The following CHD6 variants were observed in gnomAD, a reference collection of about 807,000 sequenced individuals.
CHD6 encodes ATP-dependent chromatin remodeler CHD6.
In CHD6, 50 loss-of-function variants were observed where a neutral mutation model predicts 276.9. That is an observed-to-expected ratio of 0.18 (90% CI 0.14 to 0.23). The LOEUF is 0.23. Ranked by LOEUF, CHD6 falls within the 10% of genes least tolerant of loss-of-function variation. The probability of loss-of-function intolerance (pLI) is 1.00; values close to 1 mark genes in which losing one functional copy is unlikely to be tolerated. For synonymous variants in CHD6, 1,173 were observed against 1,229.3 expected (o/e 0.95, Z 0.96); for missense variants, 2,564 against 3,365.8 (o/e 0.76, Z 5.89).
chr20:41,591,483 G>A lies in CHD6; in HGVS notation c.-24+26857C>T, dbSNP rs183396448. ...AGGTGGGCAGATCACTTGAGGTCGA[G>A]AGTTCAAGACCAGCCTGGCCAACAT... On this transcript the variant is annotated intron_variant, in intron 1 of 36. Coordinates refer to ENST00000373233, the MANE Select transcript of CHD6 (RefSeq NM_032221.5). Among the ~76,000 whole-genome samples, 729 of 151,880 alleles carry A rather than the reference G, an allele frequency of 4.8e-3. 3 individuals carry two copies. Among genetic ancestry groups the A allele is most frequent in the Non-Finnish European group, 7.1e-3 (482 of 67,942 alleles).
chr20:41,445,395 T>C (rs1020427493), intron 25 of CHD6, among the ~76,000 whole-genome samples: 10 of 152,200 alleles, frequency 6.6e-5, no homozygotes, highest in African/African-American at 2.4e-4. Flanking sequence ...TCCGACAGCA[T>C]GGACAGGCGA....
At chr20:41,493,459 C>T (rs2043605545) in intron 10 of CHD6, 79 bp downstream of exon 10, 2 of 1,415,966 alleles carry the variant, frequency 1.4e-6, no homozygotes, top group African/African-American at 2.8e-5. Context: ...TAGGAACAAG[C>T]CAGGTGGACT....
chr20:41,455,248 C>G (rs1359268763), intron 19 of CHD6, among the ~76,000 whole-genome samples: 3 of 152,174 alleles, frequency 2.0e-5, no homozygotes, highest in African/African-American at 7.2e-5. Context: ...AAACAGGTCA[C>G]AAAGCTCACA....
chr20:41,433,264 G>C lies in CHD6; in HGVS notation c.4068+4010C>G, dbSNP rs530855111. Among the ~76,000 whole-genome samples, 93 of 152,108 alleles carry C rather than the reference G, an allele frequency of 6.1e-4. 1 individual carries two copies. Among genetic ancestry groups the C allele is most frequent in the Non-Finnish European group, 1.2e-3 (81 of 68,020 alleles). On this transcript the variant is annotated intron_variant, in intron 27 of 36. Coordinates refer to ENST00000373233, the MANE Select transcript of CHD6 (RefSeq NM_032221.5). ...AGACAGAAATCAGATTTAAGAAGAC[G>C]AGTGAATTCCAAATAGGGTAAACTC... is the stretch of plus-strand genomic sequence containing the variant.
intron 36 of CHD6, among the ~76,000 whole-genome samples, chr20:41,407,207 C>T (rs771413299): frequency 1.3e-4 from 20 of 152,306 alleles, no homozygotes; most frequent in Admixed American, 2.0e-4. Context: ...CTTTGGAATA[C>T]CTTCCCTTCC....
Position 41,426,173 on chromosome 20 carries a change from T to A in CHD6, c.4069-20A>T. The A allele has an allele frequency of 1.3e-6, 2 of 1,592,462 alleles. No homozygotes were observed. Among genetic ancestry groups the A allele is most frequent in the Non-Finnish European group, 1.7e-6 (2 of 1,160,338 alleles). On this transcript the variant is annotated intron_variant, in intron 27 of 36. Transcript: ENST00000373233. ...ACTCTCCTAGGGATAAATAAAGCCA[T>A]CCCATCAGCAAAACTGCAGCTTAGA...
chr20:41,467,573 A>G (rs1055060357), intron 17 of CHD6, among the ~76,000 whole-genome samples: 7 of 148,954 alleles, frequency 4.7e-5, no homozygotes, highest in African/African-American at 1.7e-4. Flanking sequence ...AAAAAAAAAA[A>G]AAAAAAAAAA....
At chr20:41,573,191 G>A (rs905897452) in intron 1 of CHD6, among the ~76,000 whole-genome samples, 2 of 152,148 alleles carry the variant, frequency 1.3e-5, no homozygotes, top group African/African-American at 4.8e-5. Context: ...TTACAGACAT[G>A]AGCCACTGCA....
chr20:41,439,926 T>C, intron 26 of CHD6, 74 bp downstream of exon 26: 1 of 1,497,498 alleles, frequency 6.7e-7, no homozygotes, highest in Non-Finnish European at 9.2e-7. Flanking sequence ...TAAAGAGTGC[T>C]GGGTTTATGA....
At chr20:41,606,024 A>G (rs1430403057) in intron 1 of CHD6, among the ~76,000 whole-genome samples, 1 of 152,228 alleles carries the variant, frequency 6.6e-6, no homozygotes, top group Non-Finnish European at 1.5e-5. Context: ...AGAACACTGA[A>G]GGAAAAGAAT....
intron 22 of CHD6, 42 bp from the exon 23 acceptor site, chr20:41,451,147 G>C (rs73123238): frequency 0.056 from 87,772 of 1,580,460 alleles, 2,747 homozygotes; most frequent in African/African-American, 0.076. Context: ...ATAGCCAAGG[G>C]GGGTGTTACA....
chr20:41,433,794 A>G (rs2047618678), intron 27 of CHD6, among the ~76,000 whole-genome samples: 1 of 152,202 alleles, frequency 6.6e-6, no homozygotes, highest in Non-Finnish European at 1.5e-5. Context: ...AATGGTTAAG[A>G]CAACTATATT....
At chr20:41,594,971 C>T (rs1343324545) in intron 1 of CHD6, among the ~76,000 whole-genome samples, 1 of 152,216 alleles carries the variant, frequency 6.6e-6, no homozygotes, top group South Asian at 2.1e-4. Flanking sequence ...GAGAAACTTT[C>T]TAAGTGCTGG....
At chr20:41,509,470 G>C (rs1386849043) in intron 5 of CHD6, among the ~76,000 whole-genome samples, 3 of 152,116 alleles carry the variant, frequency 2.0e-5, no homozygotes, top group Admixed American at 2.0e-4. Context: ...AAAGGGGAGG[G>C]GCACTTATCC....
At chr20:41,607,026 G>A (rs2045837185) in intron 1 of CHD6, among the ~76,000 whole-genome samples, 1 of 151,978 alleles carries the variant, frequency 6.6e-6, no homozygotes, top group African/African-American at 2.4e-5. Flanking sequence ...AACTCACCAC[G>A]ATCTTTAAAG....
chr20:41,404,796 C>A lies in CHD6; in HGVS notation c.7945G>T (p.Gly2649Cys), dbSNP rs779077688. Residue 2649 changes from glycine (G) to cysteine (C), a missense_variant, in exon 37 of 37, where the codon GGT becomes TGT. Gly to Cys is a radical substitution (Grantham distance 159). This residue lies in a region of CHD6 where 238 missense variants were observed against 266.0 expected (regional missense o/e 0.89). Transcript: ENST00000373233. Reference protein sequence around the residue: ...MQQARHSEIVGLESQKRKKKK... With the variant: ...MQQARHSEIVCLESQKRKKKK... The stretch of plus-strand genomic sequence containing the variant: ...TTCTTCCTCTTCTGGCTCTCCAGAC[C>A]TACTATTTCCGAGTGTCTGGCCTGC... 2 of 1,612,930 alleles carry A rather than the reference C, an allele frequency of 1.2e-6. No individual in the cohort carries two copies. Among genetic ancestry groups the A allele is most frequent in the Non-Finnish European group, 1.7e-6 (2 of 1,179,296 alleles).
intron 17 of CHD6, among the ~76,000 whole-genome samples, chr20:41,471,449 A>C (rs1308419863): frequency 6.6e-6 from 1 of 152,190 alleles, no homozygotes; most frequent in Non-Finnish European, 1.5e-5. Context: ...AGCTAGTTAT[A>C]ATCACTGGTT....
At chr20:41,529,115 C>T (rs2044617178) in intron 3 of CHD6, among the ~76,000 whole-genome samples, 1 of 152,192 alleles carries the variant, frequency 6.6e-6, no homozygotes, top group Non-Finnish European at 1.5e-5. Context: ...AACAATGGTG[C>T]TCACTAGTTT....
chr20:41,610,618 G>A (rs1240496313), intron 1 of CHD6, among the ~76,000 whole-genome samples: 2 of 152,030 alleles, frequency 1.3e-5, no homozygotes, highest in African/African-American at 2.4e-5. Context: ...AAAATTAGCC[G>A]GGTGTGGTTG....
Sources: gnomAD v4.1 joint callset for allele counts (sites outside exome capture counted in the v4.1 genomes callset) on GRCh38, gnomAD v4.1.1 for gene constraint, gnomAD v4.1.1 regional missense constraint, MANE v1.5 for transcripts, NCBI Gene and HGNC (gene_info 2026-07-23, HGNC 2026-07-21) for gene names.